Variants in PLCB1 observed in about 807,000 individuals in gnomAD.
The protein encoded by PLCB1 is phospholipase C beta 1.
In PLCB1, 46 loss-of-function variants were observed where a neutral mutation model predicts 161.8. The observed-to-expected ratio is 0.28, with a 90% CI of 0.22 to 0.36. The LOEUF is 0.36. Ranked by LOEUF, PLCB1 falls within the 10% of genes least tolerant of loss-of-function variation. PLCB1 has a pLI of 1.00. For missense variants in PLCB1, 1,016 were observed against 1,472.5 expected (o/e 0.69, Z 5.07); for synonymous variants, 517 against 503.7 (o/e 1.03, Z -0.35).
chr20:8,361,895 A>G (rs1986554439), intron 2 of PLCB1, among the ~76,000 whole-genome samples: 1 of 152,204 alleles, frequency 6.6e-6, no homozygotes, highest in Non-Finnish European at 1.5e-5. Flanking sequence ...ATCAGATTCT[A>G]TGCTCACCCA....
intron 3 of PLCB1, among the ~76,000 whole-genome samples, chr20:8,429,930 G>T (rs1244944516): frequency 6.6e-6 from 1 of 151,970 alleles, no homozygotes; most frequent in Non-Finnish European, 1.5e-5. Context: ...GTCTGTTTCA[G>T]AGCCAGAATT....
intron 31 of PLCB1, among the ~76,000 whole-genome samples, chr20:8,806,045 C>G (rs1193408733): frequency 1.3e-5 from 2 of 152,146 alleles, no homozygotes; most frequent in Non-Finnish European, 2.9e-5. Context: ...GATTTCACCC[C>G]CAAACTGATC....
intron 3 of PLCB1, among the ~76,000 whole-genome samples, chr20:8,375,457 G>T (rs989677610): frequency 2.0e-5 from 3 of 152,202 alleles, no homozygotes; most frequent in African/African-American, 7.2e-5. Context: ...AACTTGATAA[G>T]AGTGGAAAAT....
chr20:8,438,103 A>G (rs1284548733), intron 3 of PLCB1, among the ~76,000 whole-genome samples: 1 of 152,130 alleles, frequency 6.6e-6, no homozygotes, highest in Non-Finnish European at 1.5e-5. Flanking sequence ...TCTATCTTAT[A>G]TATTTGTAGA....
chr20:8,573,050 GA>G (rs1304797263), intron 3 of PLCB1, among the ~76,000 whole-genome samples: 1 of 152,114 alleles, frequency 6.6e-6, no homozygotes. Context: ...AAATGCCGTG[GA>G]CCTGAAAAGT....
At chr20:8,764,922 A>T (rs1464137744) in intron 25 of PLCB1, among the ~76,000 whole-genome samples, 1 of 152,208 alleles carries the variant, frequency 6.6e-6, no homozygotes, top group Non-Finnish European at 1.5e-5. Flanking sequence ...ATGTATTCGA[A>T]TGAAGCAATT....
chr20:8,243,217 C>T (rs899117337), intron 2 of PLCB1, among the ~76,000 whole-genome samples: 5 of 151,952 alleles, frequency 3.3e-5, no homozygotes, highest in African/African-American at 1.2e-4. Flanking sequence ...GAAGCAAGCC[C>T]AGCACTTCTG....
At chr20:8,863,389 T>C (rs1183312353) in intron 31 of PLCB1, among the ~76,000 whole-genome samples, 1 of 152,214 alleles carries the variant, frequency 6.6e-6, no homozygotes, top group Non-Finnish European at 1.5e-5. Flanking sequence ...TCCTCAACAA[T>C]TCATGTAAAT....
intron 2 of PLCB1, among the ~76,000 whole-genome samples, chr20:8,229,113 C>T (rs1600247688): frequency 6.6e-6 from 1 of 151,940 alleles, no homozygotes; most frequent in African/African-American, 2.4e-5. Context: ...TTGTAGCTTC[C>T]GTATGTGAAT....
At chr20:8,493,534 G>A (rs1208916490) in intron 3 of PLCB1, among the ~76,000 whole-genome samples, 2 of 152,192 alleles carry the variant, frequency 1.3e-5, no homozygotes, top group African/African-American at 4.8e-5. Context: ...AATCTCCATA[G>A]TTTTCAGAAC....
chr20:8,749,066 G>T (rs564575892), intron 23 of PLCB1, among the ~76,000 whole-genome samples: 1 of 152,278 alleles, frequency 6.6e-6, no homozygotes, highest in Non-Finnish European at 1.5e-5. Context: ...AAGCTTCCAG[G>T]TGATGCTTAT....
At chr20:8,361,381 G>A (rs1345641954) in intron 2 of PLCB1, among the ~76,000 whole-genome samples, 3 of 152,144 alleles carry the variant, frequency 2.0e-5, no homozygotes, top group Middle Eastern at 3.2e-3. Flanking sequence ...AGCCTTCTCT[G>A]TGGGCAGCCA....
intron 31 of PLCB1, among the ~76,000 whole-genome samples, chr20:8,816,713 G>A (rs1223762232): frequency 6.6e-6 from 1 of 152,224 alleles, no homozygotes; most frequent in Non-Finnish European, 1.5e-5. Context: ...ACTGGGATTA[G>A]GGAGGTGGCC....
intron 3 of PLCB1, among the ~76,000 whole-genome samples, chr20:8,390,255 C>T (rs1311584451): frequency 2.0e-5 from 3 of 152,116 alleles, no homozygotes; most frequent in Non-Finnish European, 4.4e-5. Context: ...CCTTTCTCCT[C>T]GGCTTACAGA....
At chr20:8,626,499 G>T (rs1247118389) in intron 3 of PLCB1, among the ~76,000 whole-genome samples, 1 of 152,130 alleles carries the variant, frequency 6.6e-6, no homozygotes, top group East Asian at 1.9e-4. Context: ...TGAGAATTAG[G>T]CAGTAAAATA....
intron 3 of PLCB1, among the ~76,000 whole-genome samples, chr20:8,450,109 T>C (rs1177023426): frequency 1.3e-5 from 2 of 152,208 alleles, no homozygotes; most frequent in South Asian, 4.1e-4. Context: ...GAAAGCCTAA[T>C]GATTTAGCAT....
intron 3 of PLCB1, among the ~76,000 whole-genome samples, chr20:8,539,625 T>TTTCTTTCC (rs1985200379): frequency 2.8e-5 from 2 of 70,722 alleles, no homozygotes; most frequent in South Asian, 6.0e-4. Flanking sequence ...ATTTTCTTTC[T>TTTCTTTCC]TTCTTTCTTT....
chr20:8,393,349 A>G (rs527879279), intron 3 of PLCB1, among the ~76,000 whole-genome samples: 2 of 151,870 alleles, frequency 1.3e-5, no homozygotes, highest in African/African-American at 4.9e-5. Flanking sequence ...TGTTTCTCCA[A>G]GTGAGTTCCT....
chr20:8,790,235 C>A lies in PLCB1; in HGVS notation c.3397C>A (p.Gln1133Lys). 2 of 1,611,508 alleles carry A rather than the reference C, an allele frequency of 1.2e-6. No individual in the cohort carries two copies. The highest frequency in any genetic ancestry group is 2.2e-5 in the South Asian group (2 of 90,780). Residue 1133 changes from glutamine to lysine, a missense_variant, in exon 31 of 32, where the codon CAG (glutamine) becomes AAG (lysine). Physicochemically the swap from Gln to Lys is moderately conservative, Grantham distance 53. Coordinates refer to ENST00000338037, the MANE Select transcript of PLCB1 (RefSeq NM_015192.4). ...KLVEKHKEIR[Q>K]QILDEKPKLQ... ...CGTAGAGAAACACAAGGAAATACGT[C>A]AGCAGATCCTGGATGAAAAGCCCAA...
Sources: gnomAD v4.1 joint callset for allele counts (sites outside exome capture counted in the v4.1 genomes callset) on GRCh38, gnomAD v4.1.1 for gene constraint, MANE v1.5 for transcripts, NCBI Gene and HGNC (gene_info 2026-07-23, HGNC 2026-07-21) for gene names.